OPRD1: variants seen among roughly 807,000 people sequenced by gnomAD.
The protein encoded by OPRD1 is opioid receptor delta 1.
In OPRD1, 19 loss-of-function variants were observed where a neutral mutation model predicts 17.5. The ratio of observed to expected loss-of-function variants is 1.09; its 90% CI spans 0.76 to 1.60. OPRD1 has a LOEUF of 1.60. OPRD1 is among the 40% of genes most tolerant of loss of function. OPRD1 has a pLI of 0.00. For missense variants in OPRD1, 483 were observed against 547.2 expected (o/e 0.88, Z 1.17); for synonymous variants, 256 against 240.9 (o/e 1.06, Z -0.58).
chr1:28,816,283 A>G (rs1462212364), intron 1 of OPRD1, among the ~76,000 whole-genome samples: 1 of 152,014 alleles, frequency 6.6e-6, no homozygotes, highest in East Asian at 1.9e-4. Flanking sequence ...CTGTGAAAGT[A>G]TGTGGGGGAT....
In OPRD1 at chr1:28,868,389, C is replaced by T. The variant is rs1485471; in HGVS notation, c.*5106C>T. Reference sequence around the variant, plus strand: ...TGTGATCTTAGGCAAGTCACTTCACCTCCACGAGAGCACTCTCTGAAAGCT... The same window carrying T: ...TGTGATCTTAGGCAAGTCACTTCACTTCCACGAGAGCACTCTCTGAAAGCT... On this transcript the variant is annotated 3_prime_UTR_variant, in exon 3 of 3. Coordinates refer to ENST00000234961, the MANE Select transcript of OPRD1 (RefSeq NM_000911.4). The T allele has an allele frequency of 0.26, 40,270 of 152,226 alleles. 6,716 individuals are homozygous for T. The highest frequency in any genetic ancestry group is 0.36 in the Non-Finnish European group (24,223 of 68,006). 9.4% of individuals were successfully genotyped at this position (152,226 alleles called of 1,614,324 possible). A position where few individuals can be genotyped will look rare whatever the true frequency, so the allele number is the denominator to read the frequency against.
At chr1:28,824,305 T>C (rs113337866) in intron 1 of OPRD1, among the ~76,000 whole-genome samples, 8,031 of 143,198 alleles carry the variant, frequency 0.056, 341 homozygotes, top group Middle Eastern at 0.12. Context: ...TGGTTCTTTT[T>C]CTTTTTTCTT....
At chr1:28,850,852 G>A (rs961914550) in intron 1 of OPRD1, among the ~76,000 whole-genome samples, 2 of 150,180 alleles carry the variant, frequency 1.3e-5, no homozygotes, top group East Asian at 1.9e-4. Context: ...TGGAAGAATC[G>A]AGAGATAACA....
chr1:28,829,517 C>T (rs1379083794), intron 1 of OPRD1, among the ~76,000 whole-genome samples: 3 of 151,896 alleles, frequency 2.0e-5, no homozygotes, highest in South Asian at 2.1e-4. Context: ...TACAGGTGCC[C>T]GCCACCACAC....
intron 1 of OPRD1, among the ~76,000 whole-genome samples, chr1:28,814,879 C>T (rs2088661757): frequency 6.6e-6 from 1 of 152,168 alleles, no homozygotes; most frequent in African/African-American, 2.4e-5. Context: ...TGAATCCTCA[C>T]CTTCAATCCT....
At chr1:28,851,539 G>A (rs1290318156) in intron 1 of OPRD1, among the ~76,000 whole-genome samples, 1 of 152,222 alleles carries the variant, frequency 6.6e-6, no homozygotes, top group Non-Finnish European at 1.5e-5. Context: ...GGACAGGTGC[G>A]CAGCTGGTGT....
intron 1 of OPRD1, among the ~76,000 whole-genome samples, chr1:28,843,793 AT>A (rs1292092226): frequency 6.6e-6 from 1 of 151,826 alleles, no homozygotes; most frequent in African/African-American, 2.4e-5. Flanking sequence ...TAATTTTTGT[AT>A]TTTTTGTAAA....
chr1:28,822,705 G>A (rs972629661), intron 1 of OPRD1, among the ~76,000 whole-genome samples: 1 of 151,594 alleles, frequency 6.6e-6, no homozygotes, highest in African/African-American at 2.4e-5. Context: ...GGCCAGGTTG[G>A]TCTCGCACTC....
chr1:28,827,464 G>A (rs1158473923), intron 1 of OPRD1, among the ~76,000 whole-genome samples: 1 of 152,088 alleles, frequency 6.6e-6, no homozygotes, highest in East Asian at 1.9e-4. Flanking sequence ...TGAGTAGCTG[G>A]TAGTACAGGC....
intron 1 of OPRD1, among the ~76,000 whole-genome samples, chr1:28,823,887 C>A (rs1487388478): frequency 1.3e-5 from 2 of 150,092 alleles, no homozygotes; most frequent in East Asian, 2.0e-4. Flanking sequence ...GTCAAAAAAA[C>A]CCCATTCAGG....
chr1:28,856,964 A>C (rs1425100498), intron 1 of OPRD1, among the ~76,000 whole-genome samples: 1 of 152,072 alleles, frequency 6.6e-6, no homozygotes, highest in Non-Finnish European at 1.5e-5. Context: ...AGAGGCCTGG[A>C]TGGAGCCGCA....
intron 1 of OPRD1, among the ~76,000 whole-genome samples, chr1:28,837,800 T>C (rs1192510483): frequency 1.3e-5 from 2 of 149,632 alleles, no homozygotes; most frequent in Non-Finnish European, 3.0e-5. Flanking sequence ...GGATTACAGG[T>C]GTGAGCCATG....
At chr1:28,820,940 C>T (rs188472156) in intron 1 of OPRD1, among the ~76,000 whole-genome samples, 1 of 152,030 alleles carries the variant, frequency 6.6e-6, no homozygotes, top group Admixed American at 6.6e-5. Context: ...TTTTCTTCTA[C>T]AATAAAAGGT....
chr1:28,855,490 G>T (rs1004396319), intron 1 of OPRD1, among the ~76,000 whole-genome samples: 3 of 152,038 alleles, frequency 2.0e-5, no homozygotes, highest in African/African-American at 4.8e-5. Flanking sequence ...GGCATGATTT[G>T]TCTTGGGGCT....
At chr1:28,841,227 C>G (rs1452120355) in intron 1 of OPRD1, among the ~76,000 whole-genome samples, 8 of 152,248 alleles carry the variant, frequency 5.3e-5, no homozygotes, top group Admixed American at 5.2e-4. Flanking sequence ...TCCCTGACCC[C>G]ACCTGGGCTG....
chr1:28,823,375 T>TTTTGTTTA (rs1553149534), intron 1 of OPRD1, among the ~76,000 whole-genome samples: 1 of 100,206 alleles, frequency 1.0e-5, no homozygotes, highest in Non-Finnish European at 2.1e-5. Context: ...CTTTTTTAAA[T>TTTTGTTTA]TTTATTTGTT....
intron 1 of OPRD1, among the ~76,000 whole-genome samples, chr1:28,814,282 C>T (rs2088655205): frequency 6.6e-6 from 1 of 152,208 alleles, no homozygotes; most frequent in Admixed American, 6.5e-5. Flanking sequence ...TCAGTTTCTT[C>T]ATCTGTAGAA....
At chr1:28,828,286 A>C (rs1322445141) in intron 1 of OPRD1, among the ~76,000 whole-genome samples, 1 of 152,174 alleles carries the variant, frequency 6.6e-6, no homozygotes, top group Admixed American at 6.6e-5. Flanking sequence ...GACTAGGTGC[A>C]TTGTCAATAA....
Position 28,866,148 on chromosome 1 carries a change from A to G in OPRD1, c.*2865A>G, listed in dbSNP as rs2089173930. 6.6e-6 allele frequency: 1 copy of G among 152,272 alleles called. No homozygotes were observed. Among genetic ancestry groups the G allele is most frequent in the Admixed American group, 6.5e-5 (1 of 15,282 alleles). 9.4% of individuals were successfully genotyped at this position (152,272 alleles called of 1,614,324 possible). ...GTCAGCCTTGGCCCTGCCCTCAGAA[A>G]GCCTGAGCCAGTGTTGGGAGATAAA... On this transcript the variant is annotated 3_prime_UTR_variant, in exon 3 of 3. Transcript: ENST00000234961.
Sources: allele counts gnomAD v4.1 joint callset (sites outside exome capture counted in the v4.1 genomes callset), GRCh38; gene constraint gnomAD v4.1.1; transcripts MANE v1.5; gene names NCBI Gene and HGNC (gene_info 2026-07-23, HGNC 2026-07-21).